The following MYT1 variants were observed in gnomAD, a reference collection of about 807,000 sequenced individuals.
MYT1 encodes the protein myelin transcription factor 1.
Under a neutral mutation model 123.0 loss-of-function variants are expected in MYT1, and 23 were observed. That is an observed-to-expected ratio of 0.19 (90% CI 0.13 to 0.26). The LOEUF (loss-of-function observed/expected upper bound fraction) is 0.26, where lower values mean the gene tolerates loss of function less well. Among genes scored for constraint, MYT1 ranks in the 10% least tolerant of loss-of-function variants. MYT1 has a pLI of 1.00. For synonymous variants in MYT1, 518 were observed against 575.3 expected (o/e 0.90, Z 1.43); for missense variants, 1,125 against 1,472.5 (o/e 0.76, Z 3.86).
chr20:64,183,894 C>T (rs1377683561), intron 1 of MYT1, among the ~76,000 whole-genome samples: 2 of 152,182 alleles, frequency 1.3e-5, no homozygotes, highest in Non-Finnish European at 2.9e-5. Context: ...GATCTTGGCT[C>T]ACTGCAACCT....
Position 64,227,997 on chromosome 20 carries a change from C to T in MYT1, c.2675+26C>T, listed in dbSNP as rs374090910. On this transcript the variant is annotated intron_variant, in intron 18 of 22. Coordinates refer to ENST00000328439, the MANE Select transcript of MYT1 (RefSeq NM_004535.3). The stretch of plus-strand genomic sequence containing the variant: ...GTACGTTGGGCCATGCTGGCTCTTT[C>T]ATTGCATTGCGGAATTGAGATTTTC... The T allele has an allele frequency of 1.5e-5, 24 of 1,602,470 alleles. 1 individual carries two copies. Among genetic ancestry groups the T allele is most frequent in the South Asian group, 1.4e-4 (13 of 90,572 alleles).
Position 64,241,913 on chromosome 20 carries a change from G to A in MYT1, c.*1465G>A, listed in dbSNP as rs951515453. The A allele has an allele frequency of 3.3e-5, 5 of 152,346 alleles. No individual in the cohort carries two copies. Among genetic ancestry groups the A allele is most frequent in the African/African-American group, 4.8e-5 (2 of 41,448 alleles). 9.4% of individuals were successfully genotyped at this position (152,346 alleles called of 1,614,324 possible). A position where few individuals can be genotyped will look rare whatever the true frequency, so the allele number is the denominator to read the frequency against. ...GGTCTAATGGAGAGAAAGACATTTT[G>A]GTTTTCTTTTTCCATTTTGGGTTCC... On this transcript the variant is annotated 3_prime_UTR_variant, in exon 23 of 23. Transcript: ENST00000328439. The surrounding 1 kb of genome is among the most constrained non-coding windows in gnomAD (Gnocchi z 4.2).
intron 1 of MYT1, among the ~76,000 whole-genome samples, chr20:64,169,342 C>T (rs1367278742): frequency 6.6e-6 from 1 of 152,242 alleles, no homozygotes; most frequent in Non-Finnish European, 1.5e-5. Context: ...TCCCCAATCC[C>T]GGTGTGCGCC....
chr20:64,235,406 C>T lies in MYT1; in HGVS notation c.2898-1149C>T, dbSNP rs558434547. 7.6e-5 allele frequency among the ~76,000 whole-genome samples: 10 copies of T among 132,414 alleles called. No individual in the cohort carries two copies. In the South Asian group the frequency reaches 2.5e-3, roughly 33 times the overall value. 86.9% of individuals were successfully genotyped at this position (132,414 alleles called of 152,430 possible). On this transcript the variant is annotated intron_variant, in intron 19 of 22. Transcript: ENST00000328439. ...TGGTGGTGGGTGACCCTTGGCTGGC[C>T]ATGGTGGGTGATGCTGGGATGGTCA...
At chr20:64,183,316 A>G (rs1415110169) in intron 1 of MYT1, among the ~76,000 whole-genome samples, 3 of 152,246 alleles carry the variant, frequency 2.0e-5, no homozygotes, top group African/African-American at 7.2e-5. Flanking sequence ...TTTGGCTAGT[A>G]TGAATAAAGC....
chr20:64,179,364 A>G (rs1982573854), intron 1 of MYT1, among the ~76,000 whole-genome samples: 1 of 152,132 alleles, frequency 6.6e-6, no homozygotes, highest in Admixed American at 6.5e-5. Flanking sequence ...TTGTCCCTTA[A>G]CTCATAATGT....
rs1047789838 is a variant in MYT1, at chr20:64,213,808, C to T, written c.1631+161C>T. On this transcript the variant is annotated intron_variant, in intron 10 of 22. Coordinates refer to ENST00000328439, the MANE Select transcript of MYT1 (RefSeq NM_004535.3). This position sits in a 1 kb window ranked among gnomAD's most constrained non-coding sequence, Gnocchi z 5.6. ...ATGTGAGTGTGCACATGCCCCGGGCCCCCCAGGAGCAGAACTGCGGGGCAG... is the reference window on the plus strand; with the variant it reads ...ATGTGAGTGTGCACATGCCCCGGGCTCCCCAGGAGCAGAACTGCGGGGCAG... Among the ~76,000 whole-genome samples, 1 of 151,968 alleles carries T rather than the reference C, an allele frequency of 6.6e-6. No individual in the cohort carries two copies. The highest frequency in any genetic ancestry group is 1.5e-5 in the Non-Finnish European group (1 of 67,932).
intron 7 of MYT1, among the ~76,000 whole-genome samples, chr20:64,210,063 G>T (rs553811905): frequency 1.3e-5 from 2 of 152,096 alleles, no homozygotes; most frequent in South Asian, 2.1e-4. Context: ...TGCTTGGGCC[G>T]CACAGATCAG....
chr20:64,180,859 A>G (rs1182210777), intron 1 of MYT1, among the ~76,000 whole-genome samples: 1 of 152,202 alleles, frequency 6.6e-6, no homozygotes, highest in Non-Finnish European at 1.5e-5. Flanking sequence ...TTTCTTGTAG[A>G]CAGTGATCAC....
intron 8 of MYT1, among the ~76,000 whole-genome samples, chr20:64,211,573 G>A (rs984960736): frequency 1.3e-5 from 2 of 152,218 alleles, no homozygotes; most frequent in South Asian, 2.1e-4. Flanking sequence ...ACCTAGAGAC[G>A]CCAGTCCGGG....
intron 16 of MYT1, among the ~76,000 whole-genome samples, chr20:64,225,898 C>A (rs1984157768): frequency 6.6e-6 from 1 of 152,142 alleles, no homozygotes; most frequent in Admixed American, 6.5e-5. Context: ...GGGAGTTATA[C>A]CCCCACCTGA....
Position 64,207,984 on chromosome 20 carries a change from A to G in MYT1, c.788A>G (p.Glu263Gly). ...GILSHEEEDE[E>G]EEEEEEEEEE... ...CTGAGTCACGAAGAGGAGGACGAGG[A>G]GGAGGAGGAGGAGGAAGAGGAGGAG... The change falls in exon 7 of 23, where the codon GAG becomes GGG. Residue 263 changes from glutamate to glycine, a missense_variant. Transcript: ENST00000328439. 2.5e-6 allele frequency: 4 copies of G among 1,594,250 alleles called. No individual in the cohort carries two copies. The highest frequency in any genetic ancestry group is 2.6e-6 in the Non-Finnish European group (3 of 1,171,748).
intron 1 of MYT1, among the ~76,000 whole-genome samples, chr20:64,173,017 C>T (rs1292324967): frequency 1.3e-5 from 2 of 152,160 alleles, no homozygotes; most frequent in East Asian, 3.9e-4. Context: ...GCTTGAGCCA[C>T]CATTCCTGGC....
intron 1 of MYT1, among the ~76,000 whole-genome samples, chr20:64,173,262 G>A (rs1246010244): frequency 6.6e-6 from 1 of 152,156 alleles, no homozygotes; most frequent in African/African-American, 2.4e-5. Context: ...CCTGAGCACC[G>A]TGGGAGGGTC....
At position 64,241,079 on chromosome 20, in the gene MYT1, A is replaced by G. The variant is rs985611756; in HGVS notation, c.*631A>G. The G allele has an allele frequency of 2.0e-5, 3 of 152,416 alleles. No individual in the cohort carries two copies. 9.4% of individuals were successfully genotyped at this position (152,416 alleles called of 1,614,324 possible). ...AATTTTAACCTGGGAGACTCCTGAAAATCAGCCTAATGTCTGGGGGCAGCT... is the reference window on the plus strand; with the variant it reads ...AATTTTAACCTGGGAGACTCCTGAAGATCAGCCTAATGTCTGGGGGCAGCT... On this transcript the variant is annotated 3_prime_UTR_variant, in exon 23 of 23. Transcript: ENST00000328439. The surrounding 1 kb of genome is among the most constrained non-coding windows in gnomAD (Gnocchi z 4.2).
intron 19 of MYT1, among the ~76,000 whole-genome samples, chr20:64,236,164 C>A (rs1355145530): frequency 1.9e-4 from 13 of 68,178 alleles, no homozygotes; most frequent in Admixed American, 8.3e-4. Context: ...TGACCCTGGG[C>A]TGGCCGTGGT....
intron 13 of MYT1, among the ~76,000 whole-genome samples, chr20:64,220,738 C>A (rs1983975540): frequency 6.6e-6 from 1 of 152,176 alleles, no homozygotes; most frequent in African/African-American, 2.4e-5. Context: ...TGGAAGGGGT[C>A]CCTGTGGAAG....
chr20:64,230,382 G>A (rs1032518697), intron 18 of MYT1, among the ~76,000 whole-genome samples: 8 of 152,140 alleles, frequency 5.3e-5, no homozygotes, highest in South Asian at 4.2e-4. Flanking sequence ...GCGTGGTGGC[G>A]GGCGCCTGTA....
At position 64,204,981 on chromosome 20, in the gene MYT1, T is replaced by C. The variant is rs2145714355; in HGVS notation, c.87-54T>C. ...CCCAGGGTGAAGGTCTGCGACAGGC[T>C]CTGAGATCTGAGCCCATCGCCTGAT... is the stretch of plus-strand genomic sequence containing the variant. On this transcript the variant is annotated intron_variant, in intron 4 of 22. Transcript: ENST00000328439. 7.0e-6 allele frequency: 11 copies of C among 1,579,344 alleles called. No homozygotes were observed. In the South Asian group the frequency reaches 1.0e-4, roughly 14 times the overall value.
Sources: allele counts gnomAD v4.1 joint callset (sites outside exome capture counted in the v4.1 genomes callset), GRCh38; gene constraint gnomAD v4.1.1; non-coding constraint Gnocchi (gnomAD v3.1); transcripts MANE v1.5; gene names NCBI Gene and HGNC (gene_info 2026-07-23, HGNC 2026-07-21).